Variants in WWOX observed in about 807,000 individuals in gnomAD.
WWOX encodes WW domain containing oxidoreductase.
Under a neutral mutation model 46.2 loss-of-function variants are expected in WWOX, and 69 were observed. That is an observed-to-expected ratio of 1.49 (90% CI 1.23 to 1.82). WWOX has a LOEUF of 1.82. Ranked by LOEUF, WWOX falls within the 40% of genes most tolerant of loss-of-function variation. The pLI is 0.00. For missense variants in WWOX, 919 were observed against 542.6 expected (o/e 1.69, Z -6.89); for synonymous variants, 359 against 202.6 (o/e 1.77, Z -6.56).
intron 5 of WWOX, among the ~76,000 whole-genome samples, chr16:78,209,501 T>A (rs2036493575): frequency 6.6e-6 from 1 of 152,236 alleles, no homozygotes; most frequent in Non-Finnish European, 1.5e-5. Context: ...AAGTGAAACG[T>A]CTTCCTCCTT....
chr16:78,432,884 G>C (rs1187514642), intron 8 of WWOX, 132 bp downstream of exon 8: 4 of 1,403,232 alleles, frequency 2.9e-6, no homozygotes, highest in East Asian at 2.3e-5. Context: ...CCATCATAAA[G>C]GGCTCTTGAA....
At chr16:78,511,564 C>T (rs192096895) in intron 8 of WWOX, among the ~76,000 whole-genome samples, 189 of 152,304 alleles carry the variant, frequency 1.2e-3, no homozygotes, top group African/African-American at 4.4e-3. Context: ...GATTACAGCA[C>T]GTCCTCACTT....
At chr16:79,209,124 C>CCAT (rs1322095636) in intron 8 of WWOX, among the ~76,000 whole-genome samples, 3 of 152,270 alleles carry the variant, frequency 2.0e-5, no homozygotes, top group East Asian at 3.9e-4. Flanking sequence ...GGAATCAAAG[C>CCAT]CATCTCCTGA....
intron 6 of WWOX, among the ~76,000 whole-genome samples, chr16:78,392,256 G>C (rs951292062): frequency 6.6e-6 from 1 of 152,006 alleles, no homozygotes; most frequent in Non-Finnish European, 1.5e-5. Flanking sequence ...TAGTCTCATA[G>C]GACCGTGATC....
chr16:78,679,845 C>G (rs1463831437), intron 8 of WWOX, among the ~76,000 whole-genome samples: 2 of 152,328 alleles, frequency 1.3e-5, no homozygotes, highest in East Asian at 3.9e-4. Flanking sequence ...GTTTTAGGGG[C>G]CATGCTGTCA....
rs141785224 is a variant in WWOX, at chr16:79,132,127, A to AACACAC, written c.1057-79446_1057-79441dup. On this transcript the variant is annotated intron_variant, in intron 8 of 8. Coordinates refer to ENST00000566780, the MANE Select transcript of WWOX (RefSeq NM_016373.4). ...CACTCTCCCACCCAACACTTGCAGA[A>AACACAC]ACACACACACACACACACACACACA... Among the ~76,000 whole-genome samples the AACACAC allele has an allele frequency of 7.6e-3, 1,079 of 141,558 alleles. 10 individuals carry two copies. The highest frequency in any genetic ancestry group is 0.025 in the African/African-American group (938 of 37,876). 92.9% of individuals were successfully genotyped at this position (141,558 alleles called of 152,430 possible). A position where few individuals can be genotyped will look rare whatever the true frequency, so the allele number is the denominator to read the frequency against.
chr16:78,899,499 CA>C (rs1420706824), intron 8 of WWOX: 2 of 152,116 alleles, frequency 1.3e-5, no homozygotes, highest in Admixed American at 6.5e-5. Flanking sequence ...GTGAGTTCTC[CA>C]TAAATGTTAG....
At position 78,099,917 on chromosome 16, in the gene WWOX, C is replaced by A. The variant is rs374586323; in HGVS notation, c.107+32C>A. The A allele has an allele frequency of 1.7e-5, 26 of 1,548,906 alleles. No individual in the cohort carries two copies. In the East Asian group the frequency reaches 2.0e-4, roughly 12 times the overall value. On this transcript the variant is annotated intron_variant, in intron 1 of 8. Coordinates refer to ENST00000566780, the MANE Select transcript of WWOX (RefSeq NM_016373.4). ...GGGCCGCAGTGGGGCCGCGGACGCACCTGGGACCCTGCACAGCCCACGGAC... is the reference window on the plus strand; with the variant it reads ...GGGCCGCAGTGGGGCCGCGGACGCAACTGGGACCCTGCACAGCCCACGGAC...
chr16:78,444,118 CT>C (rs2083505700), intron 8 of WWOX, among the ~76,000 whole-genome samples: 1 of 152,196 alleles, frequency 6.6e-6, no homozygotes, highest in Non-Finnish European at 1.5e-5. Context: ...TCCTCTCCCT[CT>C]TCTTTTTACA....
intron 8 of WWOX, among the ~76,000 whole-genome samples, chr16:78,769,360 C>A (rs1347831982): frequency 1.3e-5 from 2 of 152,102 alleles, no homozygotes; most frequent in Non-Finnish European, 2.9e-5. Context: ...CTTGCTCCGC[C>A]CCCTCTCTTC....
chr16:78,576,589 T>C (rs2044886086), intron 8 of WWOX, among the ~76,000 whole-genome samples: 1 of 152,154 alleles, frequency 6.6e-6, no homozygotes, highest in African/African-American at 2.4e-5. Context: ...TCCTAGCACA[T>C]TGGATGGCCC....
At chr16:79,195,202 T>C (rs2051214963) in intron 8 of WWOX, among the ~76,000 whole-genome samples, 1 of 152,128 alleles carries the variant, frequency 6.6e-6, no homozygotes, top group Admixed American at 6.6e-5. Context: ...GGAAGTAGAT[T>C]CTGCAACTGA....
chr16:79,180,864 C>T (rs1279243571), intron 8 of WWOX, among the ~76,000 whole-genome samples: 3 of 152,140 alleles, frequency 2.0e-5, no homozygotes, highest in African/African-American at 7.2e-5. Context: ...GACAAAATTG[C>T]TACTGTTTCT....
At chr16:78,958,895 T>A (rs12596756) in intron 8 of WWOX, among the ~76,000 whole-genome samples, 80,567 of 152,016 alleles carry the variant, frequency 0.53, 22,046 homozygotes, top group East Asian at 0.91. Context: ...TTCAACTCCA[T>A]AGGGTGAGCA....
chr16:78,618,384 T>G (rs2046082891), intron 8 of WWOX, among the ~76,000 whole-genome samples: 2 of 152,142 alleles, frequency 1.3e-5, no homozygotes, highest in Non-Finnish European at 2.9e-5. Context: ...GTCAGCAGGG[T>G]TGGTTTCTCT....
chr16:78,296,166 T>C (rs1303811572), intron 5 of WWOX, among the ~76,000 whole-genome samples: 1 of 152,232 alleles, frequency 6.6e-6, no homozygotes, highest in Non-Finnish European at 1.5e-5. Flanking sequence ...GTATCACATT[T>C]GGGAAATTTG....
chr16:78,202,798 TC>T (rs2036273866), intron 5 of WWOX, among the ~76,000 whole-genome samples: 1 of 143,202 alleles, frequency 7.0e-6, no homozygotes, highest in Non-Finnish European at 1.5e-5. Flanking sequence ...TTTGTTTTTT[TC>T]ATTGCCTGGT....
At chr16:79,082,125 C>T (rs933173216) in intron 8 of WWOX, among the ~76,000 whole-genome samples, 3 of 152,230 alleles carry the variant, frequency 2.0e-5, no homozygotes, top group African/African-American at 7.2e-5. Flanking sequence ...AACCTCTTCA[C>T]TCAGCACCAG....
intron 8 of WWOX, among the ~76,000 whole-genome samples, chr16:78,661,632 T>A (rs758212868): frequency 7.5e-6 from 1 of 132,912 alleles, no homozygotes; most frequent in South Asian, 2.4e-4. Flanking sequence ...TTGGAAGAGA[T>A]GTGTTGCTGA....
Sources: gnomAD v4.1 joint callset for allele counts (sites outside exome capture counted in the v4.1 genomes callset) on GRCh38, gnomAD v4.1.1 for gene constraint, MANE v1.5 for transcripts, NCBI Gene and HGNC (gene_info 2026-07-23, HGNC 2026-07-21) for gene names.